Variants in XXYLT1 observed in about 807,000 individuals in gnomAD.
The protein encoded by XXYLT1 is xyloside xylosyltransferase 1, also known as UDP-xylose:alpha-xyloside alpha-1,3-xylosyltransferase.
A neutral mutation model predicts 28.9 loss-of-function variants in XXYLT1; 20 were observed. The observed-to-expected ratio is 0.69, with a 90% CI of 0.49 to 1.00. The LOEUF is 1.00. XXYLT1 is among the 50% of genes least tolerant of loss of function. The probability of loss-of-function intolerance (pLI) is 0.00; values close to 1 mark genes in which losing one functional copy is unlikely to be tolerated. For synonymous variants in XXYLT1, 257 were observed against 253.8 expected, an observed-to-expected ratio of 1.01 and a Z score of -0.12; for missense variants, 542 against 560.1, an observed-to-expected ratio of 0.97 and a Z score of 0.33.
At chr3:195,100,852 G>A (rs1359460621) in intron 3 of XXYLT1, among the ~76,000 whole-genome samples, 1 of 152,248 alleles carries the variant, frequency 6.6e-6, no homozygotes, top group Admixed American at 6.5e-5. Flanking sequence ...TGGGGACAGA[G>A]ACTGTGTCTT....
chr3:195,134,345 T>C (rs2108634740), intron 3 of XXYLT1, among the ~76,000 whole-genome samples: 1 of 152,362 alleles, frequency 6.6e-6, no homozygotes, highest in South Asian at 2.1e-4. Flanking sequence ...CTTCCAGTCC[T>C]ACAAGCTCCA....
In XXYLT1 at chr3:195,240,717, G is replaced by A. The variant is rs1724739485; in HGVS notation, c.505-13861C>T. On this transcript the variant is annotated intron_variant, in intron 1 of 3. Transcript: ENST00000310380. The surrounding 1 kb of genome is among the most constrained non-coding windows in gnomAD (Gnocchi z 4.7). The stretch of plus-strand genomic sequence containing the variant: ...AGACCATCCCCCAGCACAGCTATTG[G>A]AGGGAAGGTGGTGGCACAAAGCTCA... Among the ~76,000 whole-genome samples the A allele has an allele frequency of 6.6e-6, 1 of 152,228 alleles. No individual in the cohort carries two copies. The highest frequency in any genetic ancestry group is 6.5e-5 in the Admixed American group (1 of 15,286).
chr3:195,208,089 A>G (rs977799589), intron 2 of XXYLT1, among the ~76,000 whole-genome samples: 7 of 152,190 alleles, frequency 4.6e-5, no homozygotes, highest in Admixed American at 2.6e-4. Flanking sequence ...ACATCAAGGG[A>G]CAGGGACCCA....
At chr3:195,226,952 G>A in intron 1 of XXYLT1, 96 bp from the exon 2 acceptor site, 3 of 1,447,430 alleles carry the variant, frequency 2.1e-6, no homozygotes, top group Non-Finnish European at 1.9e-6. Context: ...GGCAGAGGCA[G>A]ACAGTGCCTC....
At position 195,256,906 on chromosome 3, in the gene XXYLT1, A is replaced by G. The variant is rs1247968316; in HGVS notation, c.504+13649T>C. Among the ~76,000 whole-genome samples the G allele has an allele frequency of 3.3e-5, 5 of 152,176 alleles. No individual in the cohort carries two copies. Among genetic ancestry groups the G allele is most frequent in the African/African-American group, 1.2e-4 (5 of 41,462 alleles). The stretch of plus-strand genomic sequence containing the variant: ...TCTAGGCAGACCAAGCAACCTTCCC[A>G]GGGCTCTCAGGTAAGGGAGACAAGT... On this transcript the variant is annotated intron_variant, in intron 1 of 3. Coordinates refer to ENST00000310380, the MANE Select transcript of XXYLT1 (RefSeq NM_152531.5). The surrounding 1 kb of genome is among the most constrained non-coding windows in gnomAD (Gnocchi z 4.2).
intron 1 of XXYLT1, among the ~76,000 whole-genome samples, chr3:195,244,474 A>G (rs1439500846): frequency 1.3e-5 from 2 of 151,582 alleles, no homozygotes; most frequent in Admixed American, 1.3e-4. Context: ...TTTAAAAACC[A>G]CTCCCGGCCG....
At chr3:195,070,547 A>G (rs1368766244) in intron 3 of XXYLT1, among the ~76,000 whole-genome samples, 3 of 152,208 alleles carry the variant, frequency 2.0e-5, no homozygotes, top group Non-Finnish European at 4.4e-5. Flanking sequence ...ATCTGGCTCC[A>G]AAGTCCACAT....
At chr3:195,151,233 C>A (rs1407011730) in intron 3 of XXYLT1, among the ~76,000 whole-genome samples, 2 of 152,130 alleles carry the variant, frequency 1.3e-5, no homozygotes, top group African/African-American at 4.8e-5. Context: ...AGGAAAAAAG[C>A]GGGATATCTG....
chr3:195,155,501 T>C (rs1437303272), intron 3 of XXYLT1, among the ~76,000 whole-genome samples: 2 of 151,928 alleles, frequency 1.3e-5, no homozygotes, highest in African/African-American at 4.8e-5. Context: ...GCCTGGTTTA[T>C]TGTAATCAAA....
intron 2 of XXYLT1, among the ~76,000 whole-genome samples, chr3:195,182,432 C>T (rs1721997405): frequency 6.6e-6 from 1 of 152,210 alleles, no homozygotes; most frequent in Non-Finnish European, 1.5e-5. Context: ...AAGGTAACAT[C>T]TCCATCCTAA....
intron 1 of XXYLT1, among the ~76,000 whole-genome samples, chr3:195,254,601 A>G (rs928605964): frequency 1.3e-5 from 2 of 152,240 alleles, no homozygotes; most frequent in African/African-American, 4.8e-5. Flanking sequence ...CAAGGCCCAG[A>G]TTCAGGGGCA....
In XXYLT1 at chr3:195,256,596, T is replaced by G; in HGVS notation, c.504+13959A>C. On this transcript the variant is annotated intron_variant, in intron 1 of 3. Transcript: ENST00000310380. This position sits in a 1 kb window ranked among gnomAD's most constrained non-coding sequence, Gnocchi z 4.2. Reference sequence around the variant, plus strand: ...TCACCCGCACATTCAGGATGGGGTCTGGAAAGGGCATGAGCTCTGTAAGCC... The same window carrying G: ...TCACCCGCACATTCAGGATGGGGTCGGGAAAGGGCATGAGCTCTGTAAGCC... 1.0e-6 allele frequency: 1 copy of G among 984,976 alleles called. No individual in the cohort carries two copies. Among genetic ancestry groups the G allele is most frequent in the African/African-American group, 1.7e-5 (1 of 57,334 alleles). 61.0% of individuals were successfully genotyped at this position (984,976 alleles called of 1,614,324 possible).
At chr3:195,100,322 A>C (rs532516703) in intron 3 of XXYLT1, among the ~76,000 whole-genome samples, 16 of 152,128 alleles carry the variant, frequency 1.1e-4, no homozygotes, top group Non-Finnish European at 1.9e-4. Context: ...AGTGTGGCCT[A>C]TATGGCATGG....
At position 195,120,738 on chromosome 3, in the gene XXYLT1, C is replaced by A. The variant is rs182168259; in HGVS notation, c.785+35711G>T. On this transcript the variant is annotated intron_variant, in intron 3 of 3. Coordinates refer to ENST00000310380, the MANE Select transcript of XXYLT1 (RefSeq NM_152531.5). ...GAGTCAGGATTTCCCTTCTCCGTGG[C>A]TCCGTCACTGAGCACCGACTCTGCG... Among the ~76,000 whole-genome samples the A allele has an allele frequency of 9.8e-4, 150 of 152,336 alleles. No individual in the cohort carries two copies. The Middle Eastern group carries it at 0.014, about 14-fold the overall frequency.
At position 195,242,515 on chromosome 3, in the gene XXYLT1, C is replaced by T. The variant is rs960004346; in HGVS notation, c.505-15659G>A. On this transcript the variant is annotated intron_variant, in intron 1 of 3. Transcript: ENST00000310380. ...ACACATGAGGAGTGGTTTTAAGGAG[C>T]GAAAAGTTTAATAGGCAAGAAAGAA... 4.0e-5 allele frequency among the ~76,000 whole-genome samples: 6 copies of T among 151,808 alleles called. No individual in the cohort carries two copies. In the East Asian group the frequency reaches 5.8e-4, roughly 15 times the overall value.
rs111831261 is a variant in XXYLT1, at chr3:195,071,895, C to A, written c.786-1784G>T. Among the ~76,000 whole-genome samples, 660 of 152,180 alleles carry A rather than the reference C, an allele frequency of 4.3e-3. 4 individuals are homozygous for A. The highest frequency in any genetic ancestry group is 0.014 in the African/African-American group (567 of 41,494). Reference sequence around the variant, plus strand: ...CGAGGGGTGGGAACGAAGCGTTTACCGAGGTGGAGCAGAGACCCAAAGGGA... The same window carrying A: ...CGAGGGGTGGGAACGAAGCGTTTACAGAGGTGGAGCAGAGACCCAAAGGGA... On this transcript the variant is annotated intron_variant, in intron 3 of 3. Transcript: ENST00000310380.
intron 3 of XXYLT1, among the ~76,000 whole-genome samples, chr3:195,103,388 C>CGCCAGCGGCCTGCGTCCATCACCCCAT: frequency 6.7e-6 from 1 of 148,672 alleles, no homozygotes; most frequent in East Asian, 1.9e-4. Flanking sequence ...CATCACCCCA[C>CGCCAGCGGCCTGCGTCCATCACCCCAT]GCCAGCGGCC....
At chr3:195,247,113 A>G (rs1433850733) in intron 1 of XXYLT1, among the ~76,000 whole-genome samples, 1 of 152,188 alleles carries the variant, frequency 6.6e-6, no homozygotes, top group Non-Finnish European at 1.5e-5. Context: ...AATTTTCCGG[A>G]CAGTAGAAGC....
intron 3 of XXYLT1, among the ~76,000 whole-genome samples, chr3:195,105,509 C>G (rs11721200): frequency 0.12 from 17,991 of 152,204 alleles, 1,181 homozygotes; most frequent in East Asian, 0.26. Flanking sequence ...CAGCAGGACT[C>G]AAGTGCAAAG....
Sources: allele counts gnomAD v4.1 joint callset (sites outside exome capture counted in the v4.1 genomes callset), GRCh38; gene constraint gnomAD v4.1.1; non-coding constraint Gnocchi (gnomAD v3.1); transcripts MANE v1.5; gene names NCBI Gene and HGNC (gene_info 2026-07-23, HGNC 2026-07-21).